Variants in PRKN observed in about 807,000 individuals in gnomAD.
PRKN encodes parkin RBR E3 ubiquitin protein ligase.
In PRKN, 56 loss-of-function variants were observed where a neutral mutation model predicts 59.5. The ratio of observed to expected loss-of-function variants is 0.94; its 90% CI spans 0.76 to 1.18. The LOEUF (loss-of-function observed/expected upper bound fraction) is 1.18. Among genes scored for constraint, PRKN ranks in the 50% most tolerant of loss-of-function variants. PRKN has a pLI of 0.00. For synonymous variants in PRKN, 250 were observed against 222.1 expected (o/e 1.13, Z -1.12); for missense variants, 657 against 596.4 (o/e 1.10, Z -1.06).
chr6:161,885,496 C>G (rs569536190), intron 6 of PRKN, among the ~76,000 whole-genome samples: 1 of 152,006 alleles, frequency 6.6e-6, no homozygotes, highest in Admixed American at 6.6e-5. Flanking sequence ...AACCCCGTCT[C>G]TACTAAAAAT....
intron 1 of PRKN, among the ~76,000 whole-genome samples, chr6:162,676,119 A>T (rs1779534481): frequency 6.6e-6 from 1 of 152,210 alleles, no homozygotes; most frequent in Non-Finnish European, 1.5e-5. Context: ...GGAAGACACT[A>T]GTAACAGAAA....
intron 1 of PRKN, among the ~76,000 whole-genome samples, chr6:162,576,402 A>T (rs1338366749): frequency 6.6e-6 from 1 of 152,220 alleles, no homozygotes. Context: ...CTGCATTACC[A>T]CTAACTTGAA....
intron 6 of PRKN, among the ~76,000 whole-genome samples, chr6:161,880,473 G>A (rs906169230): frequency 6.6e-6 from 1 of 152,088 alleles, no homozygotes; most frequent in Non-Finnish European, 1.5e-5. Context: ...TCTCTGCATC[G>A]TTATTTTTCC....
chr6:161,853,969 G>A (rs768817475), intron 6 of PRKN, among the ~76,000 whole-genome samples: 12 of 151,844 alleles, frequency 7.9e-5, no homozygotes, highest in South Asian at 4.2e-4. Context: ...AAATTGGCCC[G>A]GTATGGTGGC....
chr6:161,421,382 G>C (rs1788100158), intron 9 of PRKN, among the ~76,000 whole-genome samples: 1 of 152,202 alleles, frequency 6.6e-6, no homozygotes, highest in African/African-American at 2.4e-5. Flanking sequence ...GTGGTTAGAA[G>C]GGAGTTGGGT....
At chr6:162,226,271 C>CAGAG (rs767402820) in intron 3 of PRKN, among the ~76,000 whole-genome samples, 11 of 150,466 alleles carry the variant, frequency 7.3e-5, no homozygotes, top group Non-Finnish European at 7.4e-5. Context: ...GAGACAGATA[C>CAGAG]AGAGAGAGAG....
At chr6:161,921,206 G>T (rs1307365118) in intron 6 of PRKN, among the ~76,000 whole-genome samples, 1 of 151,916 alleles carries the variant, frequency 6.6e-6, no homozygotes, top group Non-Finnish European at 1.5e-5. Flanking sequence ...ACACACATTA[G>T]CCTAACAGGG....
In PRKN at chr6:162,703,144, T is replaced by A. The variant is rs527704623; in HGVS notation, c.7+24518A>T. ...TAGAGTGGCAACAAAAAAAACTTAC[T>A]TTAGTATTGGACTCCACACTACATA... On this transcript the variant is annotated intron_variant, in intron 1 of 11. Transcript: ENST00000366898. Among the ~76,000 whole-genome samples, 3 of 152,302 alleles carry A rather than the reference T, an allele frequency of 2.0e-5. No individual in the cohort carries two copies. The South Asian group carries it at 6.2e-4, about 32-fold the overall frequency.
At chr6:162,115,950 A>C (rs1369658075) in intron 4 of PRKN, among the ~76,000 whole-genome samples, 1 of 152,194 alleles carries the variant, frequency 6.6e-6, no homozygotes, top group Non-Finnish European at 1.5e-5. Context: ...GGGAATCCAG[A>C]GATGTTTTAC....
intron 4 of PRKN, among the ~76,000 whole-genome samples, chr6:162,123,910 CTATACCGA>C (rs1781018840): frequency 6.6e-6 from 1 of 152,092 alleles, no homozygotes; most frequent in African/African-American, 2.4e-5. Context: ...TCTTGTTAGA[CTATACCGA>C]GAGGAGGCAC....
At chr6:162,483,609 A>T (rs1792404136) in intron 1 of PRKN, among the ~76,000 whole-genome samples, 1 of 151,950 alleles carries the variant, frequency 6.6e-6, no homozygotes, top group Admixed American at 6.6e-5. Context: ...AAGATTTTAA[A>T]TATGTGATAA....
chr6:162,189,438 G>T (rs1784175439), intron 4 of PRKN, among the ~76,000 whole-genome samples: 1 of 150,496 alleles, frequency 6.6e-6, no homozygotes. Context: ...ATAGGCCAAG[G>T]TATACAATGA....
chr6:162,024,098 T>C (rs987535025), intron 5 of PRKN, among the ~76,000 whole-genome samples: 9 of 152,188 alleles, frequency 5.9e-5, no homozygotes, highest in Non-Finnish European at 7.4e-5. Flanking sequence ...ATGGTCATTT[T>C]AATGATATTG....
intron 1 of PRKN, chr6:162,727,346 G>C (rs2128242810): frequency 2.3e-6 from 1 of 425,586 alleles, no homozygotes. Flanking sequence ...AGAAGGCTTC[G>C]GGACCCCACA....
intron 7 of PRKN, among the ~76,000 whole-genome samples, chr6:161,686,727 C>T (rs973798396): frequency 2.6e-5 from 4 of 152,166 alleles, no homozygotes; most frequent in South Asian, 2.1e-4. Flanking sequence ...TGTCTGCCTT[C>T]GTATCTTTGC....
chr6:161,893,131 G>A (rs1159404998), intron 6 of PRKN, among the ~76,000 whole-genome samples: 2 of 152,296 alleles, frequency 1.3e-5, no homozygotes, highest in South Asian at 2.1e-4. Flanking sequence ...GTGAGCCACC[G>A]CACCCAGCCC....
At chr6:162,225,939 ATTATT>A (rs930564697) in intron 3 of PRKN, among the ~76,000 whole-genome samples, 26 of 147,112 alleles carry the variant, frequency 1.8e-4, no homozygotes, top group African/African-American at 5.4e-4. Flanking sequence ...CTATTATTTT[ATTATT>A]TTATTTCCTA....
intron 2 of PRKN, among the ~76,000 whole-genome samples, chr6:162,369,330 T>C (rs1004462666): frequency 2.6e-5 from 4 of 152,098 alleles, no homozygotes; most frequent in African/African-American, 9.7e-5. Flanking sequence ...TGCTGTGCCG[T>C]CTCTAGCTAA....
chr6:162,463,615 G>T (rs964677929), intron 1 of PRKN, among the ~76,000 whole-genome samples: 1 of 152,124 alleles, frequency 6.6e-6, no homozygotes, highest in Non-Finnish European at 1.5e-5. Flanking sequence ...GTGGAAACTG[G>T]GGCCTGGAGA....
Sources: allele counts gnomAD v4.1 joint callset (sites outside exome capture counted in the v4.1 genomes callset), GRCh38; gene constraint gnomAD v4.1.1; transcripts MANE v1.5; gene names NCBI Gene and HGNC (gene_info 2026-07-23, HGNC 2026-07-21).